Variants in DPP10 observed in about 807,000 individuals in gnomAD.
DPP10 encodes the protein dipeptidyl peptidase like 10, also known as inactive dipeptidyl peptidase 10.
DPP10 carries 33 observed loss-of-function variants against 120.9 expected under a neutral mutation model. That is an observed-to-expected ratio of 0.27 (90% CI 0.21 to 0.37). DPP10 has a LOEUF of 0.37. Ranked by LOEUF, DPP10 falls within the 10% of genes least tolerant of loss-of-function variation. The pLI is 1.00. For missense variants in DPP10, 816 were observed against 942.8 expected (o/e 0.87, Z 1.76); for synonymous variants, 337 against 326.1 (o/e 1.03, Z -0.36).
intron 11 of DPP10, among the ~76,000 whole-genome samples, chr2:115,760,125 T>G (rs1215162068): frequency 6.6e-6 from 1 of 152,216 alleles, no homozygotes; most frequent in African/African-American, 2.4e-5. Context: ...AGAAATAGTC[T>G]GTAGAGAAGC....
Position 115,021,412 on chromosome 2 carries a change from C to T in DPP10, c.61-287827C>T, listed in dbSNP as rs2105177320. 2.6e-5 allele frequency among the ~76,000 whole-genome samples: 4 copies of T among 151,964 alleles called. No homozygotes were observed. In the Middle Eastern group the frequency reaches 0.01, roughly 388 times the overall value. ...GCCTTTAAACACATAAACTGGAAAACCTAGAGAAGATGAATAAATTCCTGG... is the reference window on the plus strand; with the variant it reads ...GCCTTTAAACACATAAACTGGAAAATCTAGAGAAGATGAATAAATTCCTGG... On this transcript the variant is annotated intron_variant, in intron 1 of 25. Transcript: ENST00000410059.
intron 1 of DPP10, among the ~76,000 whole-genome samples, chr2:114,594,566 C>CATATATACATATATATCTCAT (rs1338350178): frequency 0.068 from 9,842 of 144,566 alleles, 447 homozygotes; most frequent in Middle Eastern, 0.16. Flanking sequence ...ATTATGTATA[C>CATATATACATATATATCTCAT]ATATATACAT....
intron 1 of DPP10, among the ~76,000 whole-genome samples, chr2:114,570,565 C>T (rs1441123105): frequency 6.6e-6 from 1 of 151,980 alleles, no homozygotes; most frequent in Non-Finnish European, 1.5e-5. Context: ...GTGGCTCACG[C>T]CTGTAATCCC....
chr2:115,353,606 A>G (rs1181009530), intron 3 of DPP10, among the ~76,000 whole-genome samples: 3 of 152,182 alleles, frequency 2.0e-5, no homozygotes, highest in South Asian at 2.1e-4. Flanking sequence ...TTTACCTAAT[A>G]CGTGTTCAGT....
intron 1 of DPP10, among the ~76,000 whole-genome samples, chr2:115,180,248 T>A (rs1471971066): frequency 6.6e-6 from 1 of 152,146 alleles, no homozygotes; most frequent in Non-Finnish European, 1.5e-5. Context: ...ACTACGACTT[T>A]GATAATTTTT....
intron 3 of DPP10, among the ~76,000 whole-genome samples, chr2:115,493,930 C>G (rs1182100930): frequency 1.3e-5 from 2 of 151,904 alleles, no homozygotes; most frequent in Non-Finnish European, 2.9e-5. Flanking sequence ...AGAAAAACAC[C>G]AGACTTAATG....
At chr2:115,370,788 TC>T (rs2065356787) in intron 3 of DPP10, among the ~76,000 whole-genome samples, 1 of 152,042 alleles carries the variant, frequency 6.6e-6, no homozygotes. Context: ...GTAGGCCTTG[TC>T]CCTGGAATTT....
chr2:115,024,162 T>A (rs57505204), intron 1 of DPP10, among the ~76,000 whole-genome samples: 21,131 of 151,802 alleles, frequency 0.14, 1,520 homozygotes, highest in East Asian at 0.16. Context: ...ATTAAAAAAA[T>A]TTTTTTTAGA....
In DPP10 at chr2:115,570,923, A is replaced by C. The variant is rs550561599; in HGVS notation, c.441+44951A>C. Among the ~76,000 whole-genome samples, 27 of 152,274 alleles carry C rather than the reference A, an allele frequency of 1.8e-4. 2 individuals carry two copies. The South Asian group carries it at 5.6e-3, about 32-fold the overall frequency. On this transcript the variant is annotated intron_variant, in intron 5 of 25. Coordinates refer to ENST00000410059, the MANE Select transcript of DPP10 (RefSeq NM_020868.6). ...CAGTGATTAACGTATTTCACCTGGC[A>C]TTTGTTAGCACACAACTGACTGCCA...
At chr2:114,726,004 G>A (rs537931675) in intron 1 of DPP10, among the ~76,000 whole-genome samples, 1 of 152,114 alleles carries the variant, frequency 6.6e-6, no homozygotes, top group Non-Finnish European at 1.5e-5. Flanking sequence ...AGGCCGAGGC[G>A]GGCAGATCAC....
intron 21 of DPP10, among the ~76,000 whole-genome samples, chr2:115,835,295 G>A (rs529133019): frequency 4.3e-4 from 65 of 152,224 alleles, no homozygotes; most frequent in Non-Finnish European, 7.6e-4. Context: ...TGAAACAAAG[G>A]CATAAGGATG....
At chr2:115,669,495 T>C (rs2089710054) in intron 5 of DPP10, among the ~76,000 whole-genome samples, 1 of 152,194 alleles carries the variant, frequency 6.6e-6, no homozygotes, top group Non-Finnish European at 1.5e-5. Context: ...ACGACTTAAA[T>C]GGTTCATATA....
At chr2:114,948,026 C>T (rs1183179226) in intron 1 of DPP10, among the ~76,000 whole-genome samples, 1 of 151,936 alleles carries the variant, frequency 6.6e-6, no homozygotes, top group Non-Finnish European at 1.5e-5. Context: ...AAATATTCTT[C>T]TCTTTATATA....
At chr2:115,662,020 T>A (rs2089022273) in intron 5 of DPP10, among the ~76,000 whole-genome samples, 3 of 152,112 alleles carry the variant, frequency 2.0e-5, no homozygotes, top group Non-Finnish European at 4.4e-5. Flanking sequence ...AGCTTCTCAT[T>A]TCCCCCTCCC....
intron 19 of DPP10, among the ~76,000 whole-genome samples, chr2:115,813,095 C>T (rs1402667044): frequency 1.3e-5 from 2 of 149,204 alleles, no homozygotes; most frequent in African/African-American, 5.0e-5. Context: ...CATTCTCCTG[C>T]CTCAGCCTCC....
At chr2:115,076,759 G>A (rs1474459583) in intron 1 of DPP10, among the ~76,000 whole-genome samples, 1 of 152,166 alleles carries the variant, frequency 6.6e-6, no homozygotes, top group East Asian at 1.9e-4. Context: ...GCTGATGGAT[G>A]TTAGATTGTT....
chr2:115,161,680 G>T lies in DPP10; in HGVS notation c.61-147559G>T, dbSNP rs1192056729. 3 of 346,716 alleles carry T rather than the reference G, an allele frequency of 8.7e-6. No individual in the cohort carries two copies. The East Asian group carries it at 1.4e-4, about 16-fold the overall frequency. 21.5% of individuals were successfully genotyped at this position (346,716 alleles called of 1,614,324 possible). A position where few individuals can be genotyped will look rare whatever the true frequency, so the allele number is the denominator to read the frequency against. On this transcript the variant is annotated intron_variant, in intron 1 of 25. Transcript: ENST00000410059. ...CGCCGCTGCACTAACTTGCCGCTTG[G>T]TCTCGCCTCGCCGCCGCGGCTCGCT... is the stretch of plus-strand genomic sequence containing the variant.
At chr2:115,192,502 AAGATTTACC>A (rs1222354447) in intron 1 of DPP10, among the ~76,000 whole-genome samples, 2 of 152,226 alleles carry the variant, frequency 1.3e-5, no homozygotes, top group Non-Finnish European at 2.9e-5. Flanking sequence ...CAGTTGGAAC[AAGATTTACC>A]TCATAAGGGG....
chr2:114,510,874 TA>T (rs1392273231), intron 1 of DPP10, among the ~76,000 whole-genome samples: 1 of 152,246 alleles, frequency 6.6e-6, no homozygotes, highest in Non-Finnish European at 1.5e-5. Flanking sequence ...AACACAAATC[TA>T]GATGTAAATA....
Sources: gnomAD v4.1 joint callset for allele counts (sites outside exome capture counted in the v4.1 genomes callset) on GRCh38, gnomAD v4.1.1 for gene constraint, MANE v1.5 for transcripts, NCBI Gene and HGNC (gene_info 2026-07-23, HGNC 2026-07-21) for gene names.